Variants in PDE10A observed in about 807,000 individuals in gnomAD.
PDE10A encodes phosphodiesterase 10A.
PDE10A carries 39 observed loss-of-function variants against 97.7 expected under a neutral mutation model. The observed-to-expected ratio is 0.40, with a 90% CI of 0.31 to 0.52. The LOEUF (loss-of-function observed/expected upper bound fraction) is 0.52, where lower values mean the gene tolerates loss of function less well. Ranked by LOEUF, PDE10A falls within the 20% of genes least tolerant of loss-of-function variation. The probability of loss-of-function intolerance (pLI) is 0.56; values close to 1 mark genes in which losing one functional copy is unlikely to be tolerated. For synonymous variants in PDE10A, 371 were observed against 376.8 expected (o/e 0.98, Z 0.18); for missense variants, 731 against 1,047.8 (o/e 0.70, Z 4.17).
intron 1 of PDE10A, among the ~76,000 whole-genome samples, chr6:165,587,337 G>A (rs1176984161): frequency 6.6e-6 from 1 of 152,136 alleles, no homozygotes; most frequent in African/African-American, 2.4e-5. Context: ...AGAAAGTTAC[G>A]TACCAAAACC....
chr6:165,536,655 C>T (rs1031949480), intron 2 of PDE10A, among the ~76,000 whole-genome samples: 5 of 151,166 alleles, frequency 3.3e-5, no homozygotes, highest in African/African-American at 1.2e-4. Flanking sequence ...ATAGGTATTT[C>T]TCAAGAGGAG....
At position 165,369,329 on chromosome 6, in the gene PDE10A, GAAA is replaced by G. The variant is rs1160927692; in HGVS notation, c.2783+9862_2783+9864del. 2.0e-5 allele frequency among the ~76,000 whole-genome samples: 3 copies of G among 151,482 alleles called. No individual in the cohort carries two copies. In the South Asian group the frequency reaches 6.2e-4, roughly 32 times the overall value. On this transcript the variant is annotated intron_variant, in intron 18 of 21. Transcript: ENST00000539869. ...CAAAGACAAAGAAGCTGAAAACTTT[GAAA>G]AAAATTTAGAAGAATGTATAACTAG... is the stretch of plus-strand genomic sequence containing the variant.
chr6:165,500,782 G>A (rs1036579414), intron 2 of PDE10A, among the ~76,000 whole-genome samples: 7 of 151,930 alleles, frequency 4.6e-5, no homozygotes, highest in African/African-American at 1.7e-4. Context: ...GTCTCCAGGG[G>A]CAATAGAATG....
chr6:165,384,621 T>C (rs952564463), intron 17 of PDE10A, among the ~76,000 whole-genome samples: 1 of 102,764 alleles, frequency 9.7e-6, no homozygotes, highest in Non-Finnish European at 1.9e-5. Flanking sequence ...TGTGTGTGTA[T>C]GTGTGAGTGA....
At chr6:165,887,699 A>G (rs905601594) in intron 1 of PDE10A, among the ~76,000 whole-genome samples, 1 of 152,184 alleles carries the variant, frequency 6.6e-6, no homozygotes, top group Admixed American at 6.5e-5. Context: ...TCTACCTTCA[A>G]GACACATCCA....
At chr6:165,701,843 G>T (rs191373821) in intron 1 of PDE10A, among the ~76,000 whole-genome samples, 2 of 152,208 alleles carry the variant, frequency 1.3e-5, no homozygotes, top group Admixed American at 1.3e-4. Flanking sequence ...TGTCTGGAGT[G>T]GGGGTTAGGG....
In PDE10A at chr6:165,791,809, G is replaced by A. The variant is rs145523220; in HGVS notation, c.-615+195720C>T. ...GAAAAGCGTTTCTTGGGCTTTGCTA[G>A]CTTGTAGGGACAGCGTGAGAAGAAT... On this transcript the variant is annotated intron_variant, in intron 1 of 19. Coordinates refer to the PDE10A transcript ENST00000366882. Among the ~76,000 whole-genome samples the A allele has an allele frequency of 2.0e-3, 309 of 152,308 alleles. 1 individual carries two copies. The highest frequency in any genetic ancestry group is 3.5e-3 in the South Asian group (17 of 4,826).
intron 1 of PDE10A, among the ~76,000 whole-genome samples, chr6:165,854,359 G>C (rs1780654672): frequency 6.6e-6 from 1 of 152,160 alleles, no homozygotes; most frequent in Non-Finnish European, 1.5e-5. Flanking sequence ...GTGGTCCCTG[G>C]GGAACGGGGA....
intron 1 of PDE10A, among the ~76,000 whole-genome samples, chr6:165,804,510 A>G (rs2128466071): frequency 6.6e-6 from 1 of 152,270 alleles, no homozygotes; most frequent in South Asian, 2.1e-4. Flanking sequence ...AAGGTGAATC[A>G]AATGTTTGGC....
At chr6:165,503,801 A>G (rs921185736) in intron 2 of PDE10A, among the ~76,000 whole-genome samples, 1 of 152,190 alleles carries the variant, frequency 6.6e-6, no homozygotes, top group Non-Finnish European at 1.5e-5. Flanking sequence ...TATCCAAAAG[A>G]AATGAAATTA....
intron 1 of PDE10A, among the ~76,000 whole-genome samples, chr6:165,625,321 C>G (rs1307178499): frequency 6.6e-6 from 1 of 152,192 alleles, no homozygotes; most frequent in East Asian, 1.9e-4. Flanking sequence ...GGGCTGCAGG[C>G]AGAGCAGTGC....
At chr6:165,833,487 A>G (rs920333864) in intron 1 of PDE10A, among the ~76,000 whole-genome samples, 3 of 152,220 alleles carry the variant, frequency 2.0e-5, no homozygotes, top group African/African-American at 7.2e-5. Flanking sequence ...CAGGCAAAGA[A>G]CTTCTCCCAG....
At position 165,518,397 on chromosome 6, in the gene PDE10A, T is replaced by G. The variant is rs374155072; in HGVS notation, c.994+25043A>C. ...TTAAATTCTCCACCATTCCGAGTAG[T>G]TATGATGAAATCTCACACTGGCCAG... On this transcript the variant is annotated intron_variant, in intron 2 of 21. Transcript: ENST00000539869. Among the ~76,000 whole-genome samples the G allele has an allele frequency of 3.6e-4, 55 of 152,304 alleles. 1 individual carries two copies. The South Asian group carries it at 0.011, about 31-fold the overall frequency.
chr6:165,616,920 TA>T (rs1787750808), intron 1 of PDE10A, among the ~76,000 whole-genome samples: 1 of 152,232 alleles, frequency 6.6e-6, no homozygotes, highest in African/African-American at 2.4e-5. Context: ...ATATATTGTT[TA>T]ATTACACTGG....
chr6:165,967,432 G>C (rs1487878545), intron 1 of PDE10A, among the ~76,000 whole-genome samples: 1 of 152,216 alleles, frequency 6.6e-6, no homozygotes, highest in Non-Finnish European at 1.5e-5. Flanking sequence ...GGGAGGCAAA[G>C]GTTGCAGTGA....
intron 1 of PDE10A, among the ~76,000 whole-genome samples, chr6:165,809,320 C>T (rs977419620): frequency 2.0e-5 from 3 of 152,214 alleles, no homozygotes; most frequent in Non-Finnish European, 4.4e-5. Context: ...GTCCTCCTCC[C>T]TGCTGCAACT....
intron 17 of PDE10A, among the ~76,000 whole-genome samples, chr6:165,383,421 T>C (rs1785055967): frequency 6.6e-6 from 1 of 152,208 alleles, no homozygotes; most frequent in African/African-American, 2.4e-5. Context: ...ACCTACGTTC[T>C]TGGATGTGAC....
At chr6:165,888,010 T>C (rs1308569163) in intron 1 of PDE10A, among the ~76,000 whole-genome samples, 3 of 152,242 alleles carry the variant, frequency 2.0e-5, no homozygotes, top group Non-Finnish European at 4.4e-5. Context: ...TCAGTCATGC[T>C]GGCCTCCTTG....
intron 2 of PDE10A, among the ~76,000 whole-genome samples, chr6:165,538,571 C>G (rs1583494311): frequency 6.6e-6 from 1 of 152,110 alleles, no homozygotes; most frequent in African/African-American, 2.4e-5. Context: ...CAAAAAGATG[C>G]CAAATATAGT....
Sources: allele counts gnomAD v4.1 joint callset (sites outside exome capture counted in the v4.1 genomes callset), GRCh38; gene constraint gnomAD v4.1.1; transcripts MANE v1.5; gene names NCBI Gene and HGNC (gene_info 2026-07-23, HGNC 2026-07-21).